HM13: variants seen among roughly 807,000 people sequenced by gnomAD.
HM13 encodes the protein signal peptide peptidase.
Under a neutral mutation model 50.0 loss-of-function variants are expected in HM13, and 18 were observed. The ratio of observed to expected loss-of-function variants is 0.36; its 90% confidence interval spans 0.25 to 0.53. The LOEUF (loss-of-function observed/expected upper bound fraction) is 0.53, where lower values mean the gene tolerates loss of function less well. HM13 is among the 20% of genes least tolerant of loss of function. The pLI is 0.90. For missense variants in HM13, 393 were observed against 552.4 expected, an observed-to-expected ratio of 0.71 and a Z score of 2.89; for synonymous variants, 197 against 232.6, an observed-to-expected ratio of 0.85 and a Z score of 1.39.
At chr20:31,526,475 A>G (rs1445551241) in intron 1 of HM13, among the ~76,000 whole-genome samples, 3 of 152,176 alleles carry the variant, frequency 2.0e-5, no homozygotes, top group Non-Finnish European at 2.9e-5. Flanking sequence ...CATAAATTCT[A>G]TGAAGCTAAT....
At chr20:31,565,028 T>TG (rs1426652749) in intron 10 of HM13, among the ~76,000 whole-genome samples, 1 of 151,666 alleles carries the variant, frequency 6.6e-6, no homozygotes, top group East Asian at 1.9e-4. Flanking sequence ...TAGCCGGGCA[T>TG]GGTGGCAGGC....
At chr20:31,568,040 A>G in intron 11 of HM13, 38 bp from the exon 12 acceptor site, 2 of 1,522,082 alleles carry the variant, frequency 1.3e-6, no homozygotes, top group South Asian at 1.2e-5. Context: ...TTCCCTATCC[A>G]TCTCTTTTTT....
intron 1 of HM13, among the ~76,000 whole-genome samples, chr20:31,520,044 A>G (rs1982056869): frequency 6.6e-6 from 1 of 152,104 alleles, no homozygotes; most frequent in Admixed American, 6.6e-5. Context: ...TTTCATACAG[A>G]TGGGGTTTTA....
At chr20:31,554,076 TCCTC>T (rs1307968269) in intron 7 of HM13, among the ~76,000 whole-genome samples, 1 of 152,106 alleles carries the variant, frequency 6.6e-6, no homozygotes, top group African/African-American at 2.4e-5. Context: ...ATGACCCTAT[TCCTC>T]CCCACTCTAA....
At chr20:31,533,560 A>T (rs558949972) in intron 2 of HM13, among the ~76,000 whole-genome samples, 1 of 152,310 alleles carries the variant, frequency 6.6e-6, no homozygotes, top group East Asian at 1.9e-4. Flanking sequence ...ACATCCCACA[A>T]ATAGGCCATG....
intron 8 of HM13, among the ~76,000 whole-genome samples, chr20:31,557,703 C>T (rs371466492): frequency 3.3e-4 from 27 of 80,892 alleles, no homozygotes; most frequent in Non-Finnish European, 3.3e-4. Flanking sequence ...GGCAGTGCTT[C>T]TTTTTTTTTT....
chr20:31,541,488 T>G (rs1321881644), intron 3 of HM13: 1 of 61,620 alleles, frequency 1.6e-5, no homozygotes, highest in African/African-American at 1.3e-4. Context: ...ATCTGAAAAA[T>G]ATAAAAAAAA....
intron 1 of HM13, among the ~76,000 whole-genome samples, chr20:31,520,327 TAG>T (rs1982075115): frequency 6.6e-6 from 1 of 151,976 alleles, no homozygotes; most frequent in Non-Finnish European, 1.5e-5. Context: ...GTTCATTTGT[TAG>T]AGTCTCACTC....
At chr20:31,564,654 C>A (rs1235454146) in intron 10 of HM13, among the ~76,000 whole-genome samples, 1 of 151,946 alleles carries the variant, frequency 6.6e-6, no homozygotes, top group Admixed American at 6.6e-5. Flanking sequence ...GGACCTGACT[C>A]CATGTGAAAG....
intron 1 of HM13, among the ~76,000 whole-genome samples, chr20:31,523,405 G>A (rs1333650847): frequency 1.3e-5 from 2 of 151,892 alleles, no homozygotes; most frequent in African/African-American, 4.8e-5. Flanking sequence ...TGGGATTACA[G>A]ATGCACACCA....
chr20:31,538,584 G>T (rs1206676489), intron 3 of HM13: 4 of 1,293,498 alleles, frequency 3.1e-6, no homozygotes, highest in Non-Finnish European at 2.9e-6. Context: ...CCTGCCGGGT[G>T]TTGTGGCCTA....
At chr20:31,564,526 A>T (rs1435065304) in intron 10 of HM13, among the ~76,000 whole-genome samples, 2 of 152,010 alleles carry the variant, frequency 1.3e-5, no homozygotes, top group Non-Finnish European at 2.9e-5. Context: ...ACAGTGAGCC[A>T]TGTTCATATC....
At chr20:31,521,479 A>G (rs552551790) in intron 1 of HM13, among the ~76,000 whole-genome samples, 1 of 152,298 alleles carries the variant, frequency 6.6e-6, no homozygotes, top group East Asian at 1.9e-4. Context: ...TAATCCCAGC[A>G]CTTCGGGAGG....
intron 2 of HM13, among the ~76,000 whole-genome samples, chr20:31,530,378 T>C (rs1174473450): frequency 6.6e-6 from 1 of 151,806 alleles, no homozygotes; most frequent in Admixed American, 6.6e-5. Context: ...GAGGTATTTT[T>C]ATATCAACAC....
intron 3 of HM13, chr20:31,538,538 G>C (rs946435354): frequency 8.7e-6 from 12 of 1,384,188 alleles, no homozygotes; most frequent in Non-Finnish European, 1.1e-5. Context: ...TGTCATGTTA[G>C]TTGTGACAGT....
chr20:31,520,728 C>T (rs150776438), intron 1 of HM13, among the ~76,000 whole-genome samples: 1 of 152,256 alleles, frequency 6.6e-6, no homozygotes, highest in Non-Finnish European at 1.5e-5. Context: ...GTGAAGACAG[C>T]AATGCAGCAA....
At chr20:31,547,489 G>T (rs1983794624) in intron 4 of HM13, 2 of 650,760 alleles carry the variant, frequency 3.1e-6, no homozygotes, top group Admixed American at 5.7e-5. Context: ...GTTGTCGCCC[G>T]CTTCACCCTG....
At chr20:31,520,614 T>C (rs902955430) in intron 1 of HM13, among the ~76,000 whole-genome samples, 1 of 151,392 alleles carries the variant, frequency 6.6e-6, no homozygotes, top group African/African-American at 2.4e-5. Context: ...TCTCCAGAGG[T>C]TTTTAAGCAG....
chr20:31,552,050 G>A (rs6058085), intron 7 of HM13, among the ~76,000 whole-genome samples: 38,579 of 151,512 alleles, frequency 0.25, 7,049 homozygotes, highest in African/African-American at 0.52. Flanking sequence ...GGAATTGGCA[G>A]CCCCCGAGAA....
Sources: gnomAD v4.1 joint callset for allele counts (sites outside exome capture counted in the v4.1 genomes callset) on GRCh38, gnomAD v4.1.1 for gene constraint, MANE v1.5 for transcripts, NCBI Gene and HGNC (gene_info 2026-07-23, HGNC 2026-07-21) for gene names.